Variants in GPHN observed in about 807,000 individuals in gnomAD.
The protein encoded by GPHN is gephyrin.
GPHN carries 17 observed loss-of-function variants against 95.5 expected under a neutral mutation model. The ratio of observed to expected loss-of-function variants is 0.18; its 90% CI spans 0.12 to 0.27. GPHN has a LOEUF of 0.27. Ranked by LOEUF, GPHN falls within the 10% of genes least tolerant of loss-of-function variation. GPHN has a pLI of 1.00. For missense variants in GPHN, 660 were observed against 978.1 expected, an observed-to-expected ratio of 0.67 and a Z score of 4.34; for synonymous variants, 320 against 322.5, an observed-to-expected ratio of 0.99 and a Z score of 0.08.
At chr14:66,833,114 A>G (rs543094700) in intron 4 of GPHN, among the ~76,000 whole-genome samples, 1 of 152,170 alleles carries the variant, frequency 6.6e-6, no homozygotes, top group African/African-American at 2.4e-5. Context: ...TCACATCGCT[A>G]ATAAAGACGT....
chr14:67,670,076 C>T, the GPHN span, among the ~76,000 whole-genome samples: 2 of 152,188 alleles, frequency 1.3e-5, no homozygotes, highest in African/African-American at 4.8e-5. Context: ...GCCTGGATGA[C>T]GGGAGACAGG....
intron 2 of GPHN, among the ~76,000 whole-genome samples, chr14:66,684,272 T>G (rs1244194869): frequency 2.6e-5 from 4 of 152,136 alleles, no homozygotes; most frequent in African/African-American, 9.7e-5. Context: ...CAAGAAAAAT[T>G]AGGCTAAGGA....
At chr14:66,575,492 A>G (rs2060866037) in intron 1 of GPHN, among the ~76,000 whole-genome samples, 1 of 152,242 alleles carries the variant, frequency 6.6e-6, no homozygotes, top group Non-Finnish European at 1.5e-5. Context: ...CAGTTTTTAC[A>G]GACTGGCTTT....
the GPHN span, chr14:67,360,550 C>T: frequency 4.4e-5 from 10 of 226,050 alleles, no homozygotes; most frequent in Non-Finnish European, 7.7e-5. Flanking sequence ...CGGGCTAATA[C>T]CTCCCTTTCC....
chr14:67,474,038 G>C, the GPHN span: 1 of 1,339,050 alleles, frequency 7.5e-7, no homozygotes, highest in Non-Finnish European at 9.9e-7. Flanking sequence ...GATCACTTGA[G>C]GTCAGGAGTT....
the GPHN span, among the ~76,000 whole-genome samples, chr14:67,222,293 TG>T: frequency 6.6e-6 from 1 of 152,290 alleles, no homozygotes; most frequent in Non-Finnish European, 1.5e-5. Context: ...TTTGTTTGTT[TG>T]TTTGTTGTTG....
intron 1 of GPHN, among the ~76,000 whole-genome samples, chr14:66,528,182 C>A (rs933020655): frequency 2.0e-5 from 3 of 152,124 alleles, no homozygotes; most frequent in Non-Finnish European, 4.4e-5. Context: ...GGATAGTTAG[C>A]TCTTCTTTTG....
the GPHN span, among the ~76,000 whole-genome samples, chr14:67,718,264 G>C: frequency 0.03 from 4,524 of 152,282 alleles, 97 homozygotes; most frequent in Middle Eastern, 0.051. Context: ...GTCTCATCTG[G>C]CTTCCAAAAT....
intron 11 of GPHN, among the ~76,000 whole-genome samples, chr14:67,070,926 CAAT>C (rs2076277977): frequency 6.6e-6 from 1 of 151,838 alleles, no homozygotes; most frequent in Admixed American, 6.6e-5. Context: ...ATCAAAACTA[CAAT>C]GAGACACCAT....
the GPHN span, chr14:67,350,775 T>C: frequency 2.3e-6 from 3 of 1,299,408 alleles, no homozygotes; most frequent in Non-Finnish European, 3.3e-6. Context: ...TTAATAACCA[T>C]CAGTATTTTA....
rs557250875 is a variant in GPHN at position 67,094,049 on chromosome 14, C to G, written c.1237+4974C>G. 1.5e-4 allele frequency among the ~76,000 whole-genome samples: 23 copies of G among 152,128 alleles called. 1 individual carries two copies. Among genetic ancestry groups the G allele is most frequent in the Admixed American group, 1.4e-3 (22 of 15,276 alleles). The stretch of plus-strand genomic sequence containing the variant: ...TCTCTATGTGCTCTAATTTGTTCAG[C>G]CTTAAAGTGGAAATGATGAGACTCT... On this transcript the variant is annotated intron_variant, in intron 12 of 22. Transcript: ENST00000478722.
intron 1 of GPHN, among the ~76,000 whole-genome samples, chr14:66,600,349 G>A (rs2062174399): frequency 1.3e-5 from 2 of 151,976 alleles, no homozygotes. Context: ...TAGTTCCTTA[G>A]CTCTTAACTA....
At chr14:67,658,470 G>A in the GPHN span, among the ~76,000 whole-genome samples, 124 of 152,198 alleles carry the variant, frequency 8.1e-4, no homozygotes, top group East Asian at 6.8e-3. Context: ...GGTGGTGGGC[G>A]CCTGTAGTCC....
intron 5 of GPHN, among the ~76,000 whole-genome samples, chr14:66,905,968 A>G (rs968792294): frequency 6.8e-6 from 1 of 147,364 alleles, no homozygotes; most frequent in Non-Finnish European, 1.5e-5. Flanking sequence ...TCTTTATTCA[A>G]TTCAGGATAT....
the GPHN span, among the ~76,000 whole-genome samples, chr14:67,428,317 C>A: frequency 1.3e-5 from 2 of 152,310 alleles, no homozygotes; most frequent in East Asian, 1.9e-4. Context: ...CCCACCCACA[C>A]CCACATGCAA....
chr14:66,732,627 C>T (rs1431628048), intron 2 of GPHN, among the ~76,000 whole-genome samples: 1 of 152,224 alleles, frequency 6.6e-6, no homozygotes, highest in African/African-American at 2.4e-5. Context: ...AGCGATTCTT[C>T]TGCCTCAGCC....
intron 17 of GPHN, among the ~76,000 whole-genome samples, chr14:67,132,460 A>G (rs1299662929): frequency 6.6e-6 from 1 of 151,386 alleles, no homozygotes; most frequent in Non-Finnish European, 1.5e-5. Flanking sequence ...TAATAGATTT[A>G]TTTTCTTCTT....
At chr14:67,139,751 C>T (rs1436526502) in intron 17 of GPHN, among the ~76,000 whole-genome samples, 1 of 152,124 alleles carries the variant, frequency 6.6e-6, no homozygotes. Flanking sequence ...GGCAGGATGT[C>T]TGATCAAATC....
At chr14:67,688,598 CTTTT>C in the GPHN span, among the ~76,000 whole-genome samples, 6 of 136,522 alleles carry the variant, frequency 4.4e-5, no homozygotes, top group Admixed American at 7.4e-5. Flanking sequence ...GCTTTGAACT[CTTTT>C]TTTTTTTTTT....
Sources: allele counts gnomAD v4.1 joint callset (sites outside exome capture counted in the v4.1 genomes callset), GRCh38; gene constraint gnomAD v4.1.1; transcripts MANE v1.5; gene names NCBI Gene and HGNC (gene_info 2026-07-23, HGNC 2026-07-21).